ELL: variants seen among roughly 807,000 people sequenced by gnomAD.
ELL encodes the protein elongation factor for RNA polymerase II, also known as RNA polymerase II elongation factor ELL.
Under a neutral mutation model 64.0 loss-of-function variants are expected in ELL, and 18 were observed. The observed-to-expected ratio is 0.28, with a 90% CI of 0.19 to 0.42. The LOEUF (loss-of-function observed/expected upper bound fraction) is 0.42, where lower values mean the gene tolerates loss of function less well. ELL is among the 10% of genes least tolerant of loss of function. The pLI, the probability that ELL is intolerant of heterozygous loss-of-function variation, is 1.00. For missense variants in ELL, 797 were observed against 870.4 expected (o/e 0.92, Z 1.06); for synonymous variants, 399 against 376.2 (o/e 1.06, Z -0.70).
intron 1 of ELL, among the ~76,000 whole-genome samples, chr19:18,494,500 T>G (rs1364377538): frequency 1.3e-5 from 2 of 152,034 alleles, no homozygotes; most frequent in South Asian, 2.1e-4. Flanking sequence ...TTCAAGCAAT[T>G]CTGTCACAGC....
At chr19:18,470,654 T>C in intron 2 of ELL, among the ~76,000 whole-genome samples, 1 of 152,108 alleles carries the variant, frequency 6.6e-6, no homozygotes, top group Admixed American at 6.5e-5. Flanking sequence ...GCCCTGGAGG[T>C]ACTCTGTGGA....
intron 4 of ELL, among the ~76,000 whole-genome samples, chr19:18,463,054 C>G (rs1025482103): frequency 6.6e-6 from 1 of 152,186 alleles, no homozygotes; most frequent in African/African-American, 2.4e-5. Flanking sequence ...CAGGGTCGGC[C>G]GAGCAAGCTC....
At chr19:18,520,990 A>G (rs1976255855) in intron 1 of ELL, among the ~76,000 whole-genome samples, 1 of 151,670 alleles carries the variant, frequency 6.6e-6, no homozygotes, top group East Asian at 1.9e-4. Context: ...GATGCGCCCC[A>G]AAGTCAGGCC....
At chr19:18,471,450 C>A in intron 2 of ELL, 1 of 369,526 alleles carries the variant, frequency 2.7e-6, no homozygotes, top group East Asian at 9.1e-5. Context: ...GGTGGATCAC[C>A]TGAGGTCAGG....
intron 11 of ELL, 25 bp downstream of exon 11, chr19:18,445,199 C>CCACCCCAA: frequency 6.2e-7 from 1 of 1,613,930 alleles, no homozygotes; most frequent in Non-Finnish European, 8.5e-7. Flanking sequence ...CACTTGGAGC[C>CCACCCCAA]CACCCCAACA....
intron 1 of ELL, among the ~76,000 whole-genome samples, chr19:18,509,641 ACACACACACACACACACTCCC>A (rs1975973147): frequency 8.3e-6 from 1 of 120,412 alleles, no homozygotes; most frequent in African/African-American, 4.0e-5. Context: ...ACACACACAC[ACACACACACACACACACTCCC>A]CTCCCCAACT....
At chr19:18,471,894 G>C (rs999407209) in intron 2 of ELL, among the ~76,000 whole-genome samples, 11 of 152,080 alleles carry the variant, frequency 7.2e-5, no homozygotes, top group African/African-American at 2.7e-4. Flanking sequence ...CAAGGTCCTT[G>C]TGTGCCCTAA....
At chr19:18,521,449 C>G (rs185397714) in intron 1 of ELL, among the ~76,000 whole-genome samples, 147 of 152,194 alleles carry the variant, frequency 9.7e-4, no homozygotes, top group African/African-American at 3.5e-3. Flanking sequence ...CCCAGACGAT[C>G]GCTGCTTCCC....
At chr19:18,483,740 A>C (rs1396276551) in intron 1 of ELL, among the ~76,000 whole-genome samples, 1 of 152,128 alleles carries the variant, frequency 6.6e-6, no homozygotes, top group African/African-American at 2.4e-5. Context: ...AACATTTACT[A>C]CACAATTCTT....
rs377563161 is a variant in ELL, at chr19:18,465,324, C to T, written c.469+88G>A. 16 of 1,478,566 alleles carry T rather than the reference C, an allele frequency of 1.1e-5. No individual in the cohort carries two copies. In the East Asian group the frequency reaches 3.3e-4, roughly 31 times the overall value. The allele number at this position is 1,478,566 out of a possible 1,614,324, so 91.6% of individuals were successfully genotyped here. On this transcript the variant is annotated intron_variant, in intron 4 of 11. Coordinates refer to ENST00000262809, the MANE Select transcript of ELL (RefSeq NM_006532.4). ...CCCATCATTTCTGTGCAGGGCACAG[C>T]CAGTGCCCAGCCTGGACAGGCCCCA... is the stretch of plus-strand genomic sequence containing the variant.
chr19:18,463,123 T>C (rs908768004), intron 4 of ELL, among the ~76,000 whole-genome samples: 5 of 152,110 alleles, frequency 3.3e-5, no homozygotes, highest in Non-Finnish European at 7.4e-5. Context: ...TCTGATCTTA[T>C]CTCTCAAAAT....
rs185962717 is a variant in ELL at position 18,517,094 on chromosome 19, G to A, written c.135+4827C>T. 3.0e-3 allele frequency among the ~76,000 whole-genome samples: 462 copies of A among 152,170 alleles called. 1 individual carries two copies. The highest frequency in any genetic ancestry group is 0.01 in the African/African-American group (432 of 41,520). On this transcript the variant is annotated intron_variant, in intron 1 of 11. Transcript: ENST00000262809. ...AACTACAACCCAAGTGCCCCTGGGAGGGTCACTTCCTCAGACTGACCAGAG... is the reference window on the plus strand; with the variant it reads ...AACTACAACCCAAGTGCCCCTGGGAAGGTCACTTCCTCAGACTGACCAGAG...
chr19:18,451,652 C>T lies in ELL; in HGVS notation c.870-4G>A, dbSNP rs1034641236. 3.4e-6 allele frequency: 5 copies of T among 1,491,816 alleles called. No homozygotes were observed. Among genetic ancestry groups the T allele is most frequent in the East Asian group, 2.8e-5 (1 of 36,028 alleles). The allele number at this position is 1,491,816 out of a possible 1,614,324, so 92.4% of individuals were successfully genotyped here. Reference sequence around the variant, plus strand: ...GCTCTGTGGCTGGCACAGCTTCCTGCGAAGGAGAGGCAGGGCTAGGTCAGA... The same window carrying T: ...GCTCTGTGGCTGGCACAGCTTCCTGTGAAGGAGAGGCAGGGCTAGGTCAGA... On this transcript the variant is annotated splice_polypyrimidine_tract_variant and splice_region_variant and intron_variant, in intron 6 of 11. Transcript: ENST00000262809.
At chr19:18,445,354 A>C in intron 10 of ELL, 86 bp from the exon 11 acceptor site, 47 of 566,796 alleles carry the variant, frequency 8.3e-5, no homozygotes, top group Non-Finnish European at 1.3e-4. Flanking sequence ...TGCTCTGAGA[A>C]GGGGGCATGG....
At chr19:18,490,658 C>T (rs1975509524) in intron 1 of ELL, among the ~76,000 whole-genome samples, 1 of 152,216 alleles carries the variant, frequency 6.6e-6, no homozygotes, top group Non-Finnish European at 1.5e-5. Flanking sequence ...TCTTCCCGGC[C>T]AAGAGCCACA....
Position 18,453,044 on chromosome 19 carries a change from G to A in ELL, c.870-1396C>T, listed in dbSNP as rs569837004. On this transcript the variant is annotated intron_variant, in intron 6 of 11. Transcript: ENST00000262809. Reference sequence around the variant, plus strand: ...CCCAGCACTTTGGGAGGCCAAGGCAGGCGGATCACCTAAGGTCAGGAGTTC... The same window carrying A: ...CCCAGCACTTTGGGAGGCCAAGGCAAGCGGATCACCTAAGGTCAGGAGTTC... Among the ~76,000 whole-genome samples the A allele has an allele frequency of 9.2e-5, 14 of 152,384 alleles. No individual in the cohort carries two copies. The South Asian group carries it at 1.2e-3, about 14-fold the overall frequency.
chr19:18,451,602 C>T lies in ELL; in HGVS notation c.916G>A (p.Ala306Thr). 1 of 1,500,604 alleles carries T rather than the reference C, an allele frequency of 6.7e-7. No homozygotes were observed. 93.0% of individuals were successfully genotyped at this position (1,500,604 alleles called of 1,614,324 possible). A position where few individuals can be genotyped will look rare whatever the true frequency, so the allele number is the denominator to read the frequency against. ...CGCTCGCCTGGGGGGCTGGAGGCAG[C>T]AGGGTCTCCAAGGAGGCTGCCAGTG... Reference protein sequence around the residue: ...QSTGSLLGDPAASSPPGERGR... With the variant: ...QSTGSLLGDPTASSPPGERGR... Residue 306 changes from alanine to threonine, a missense_variant, in exon 7 of 12, where the codon GCT becomes ACT. Physicochemically the swap from Ala to Thr is moderately conservative, Grantham distance 58 (BLOSUM62 0). Coordinates refer to ENST00000262809, the MANE Select transcript of ELL (RefSeq NM_006532.4).
At chr19:18,459,944 C>T (rs757730587) in intron 5 of ELL, among the ~76,000 whole-genome samples, 2 of 152,162 alleles carry the variant, frequency 1.3e-5, no homozygotes, top group African/African-American at 2.4e-5. Flanking sequence ...CAGTTTCCTT[C>T]GACGGGATTC....
intron 1 of ELL, among the ~76,000 whole-genome samples, chr19:18,490,276 C>T (rs1287058479): frequency 3.8e-5 from 5 of 131,684 alleles, no homozygotes; most frequent in African/African-American, 1.3e-4. Flanking sequence ...CATTTGAGGG[C>T]CGGCTGGAGA....
Sources: allele counts gnomAD v4.1 joint callset (sites outside exome capture counted in the v4.1 genomes callset), GRCh38; gene constraint gnomAD v4.1.1; transcripts MANE v1.5; gene names NCBI Gene and HGNC (gene_info 2026-07-23, HGNC 2026-07-21).